INTS3: variants seen among roughly 807,000 people sequenced by gnomAD.
INTS3 encodes SOSS complex subunit A.
Under a neutral mutation model 146.3 loss-of-function variants are expected in INTS3, and 34 were observed. The observed-to-expected ratio is 0.23, with a 90% CI of 0.18 to 0.31. INTS3 has a LOEUF of 0.31. Among genes scored for constraint, INTS3 ranks in the 10% least tolerant of loss-of-function variants. The pLI, the probability that INTS3 is intolerant of heterozygous loss-of-function variation, is 1.00. For missense variants in INTS3, 757 were observed against 1,304.2 expected (o/e 0.58, Z 6.46); for synonymous variants, 475 against 494.9 (o/e 0.96, Z 0.53).
chr1:153,738,755 C>G (rs1222258287), intron 1 of INTS3, among the ~76,000 whole-genome samples: 6 of 152,182 alleles, frequency 3.9e-5, no homozygotes, highest in Admixed American at 1.3e-4. Flanking sequence ...TCAGTTATTA[C>G]TTTCACCATT....
chr1:153,749,444 C>T (rs535490106), intron 6 of INTS3, among the ~76,000 whole-genome samples: 1 of 152,296 alleles, frequency 6.6e-6, no homozygotes, highest in African/African-American at 2.4e-5. Flanking sequence ...CCATAGTAGT[C>T]AAATGATTGA....
chr1:153,765,789 C>T (rs537345545), intron 20 of INTS3, among the ~76,000 whole-genome samples: 10 of 152,206 alleles, frequency 6.6e-5, no homozygotes, highest in African/African-American at 1.9e-4. Flanking sequence ...AGGCTGGTCT[C>T]GAACTCCCGA....
Position 153,769,750 on chromosome 1 carries a change from C to G in INTS3, c.2314-19C>G. 6.3e-7 allele frequency: 1 copy of G among 1,595,476 alleles called. No homozygotes were observed. Among genetic ancestry groups the G allele is most frequent in the Non-Finnish European group, 8.6e-7 (1 of 1,163,064 alleles). On this transcript the variant is annotated intron_variant, in intron 22 of 29. Transcript: ENST00000318967. The stretch of plus-strand genomic sequence containing the variant: ...CTTTCAGAGCTGATGGGTTCTGCCT[C>G]CTTCCTCCACCTCCTTAGCTCCAGG...
chr1:153,749,585 A>C (rs1671878436), intron 6 of INTS3, among the ~76,000 whole-genome samples: 1 of 152,202 alleles, frequency 6.6e-6, no homozygotes, highest in Admixed American at 6.5e-5. Flanking sequence ...TCTGCTGTGC[A>C]GTGCCACCTA....
chr1:153,764,393 C>T (rs774829047), intron 18 of INTS3, among the ~76,000 whole-genome samples, 172 bp downstream of exon 18: 5 of 152,170 alleles, frequency 3.3e-5, no homozygotes, highest in African/African-American at 4.8e-5. Context: ...TGCTGAACAC[C>T]GTGCGTACTG....
Position 153,742,925 on chromosome 1 carries a change from C to A in INTS3, c.318+1557C>A, listed in dbSNP as rs566161472. Among the ~76,000 whole-genome samples, 96 of 152,288 alleles carry A rather than the reference C, an allele frequency of 6.3e-4. No homozygotes were observed. The South Asian group carries it at 0.019, about 31-fold the overall frequency. ...TTCATGTTCACATGCTAAAAGTTTC[C>A]AAGTAAATCCCCTACCTGTGAGCCT... On this transcript the variant is annotated intron_variant, in intron 3 of 29. Coordinates refer to ENST00000318967, the MANE Select transcript of INTS3 (RefSeq NM_023015.5).
rs1040287124 is a variant in INTS3 at position 153,769,908 on chromosome 1, T to A, written c.2389+64T>A. ...GAGGGCAGGGTGTCAGTCCTGTGTATTTTACACTATCAGGAAAGCTGGTTC... is the reference window on the plus strand; with the variant it reads ...GAGGGCAGGGTGTCAGTCCTGTGTAATTTACACTATCAGGAAAGCTGGTTC... On this transcript the variant is annotated intron_variant, in intron 23 of 29. Transcript: ENST00000318967. The A allele has an allele frequency of 1.6e-5, 19 of 1,161,302 alleles. No individual in the cohort carries two copies. The African/African-American group carries it at 2.7e-4, about 17-fold the overall frequency. The allele number at this position is 1,161,302 out of a possible 1,614,324, so 71.9% of individuals were successfully genotyped here. A position where few individuals can be genotyped will look rare whatever the true frequency, so the allele number is the denominator to read the frequency against.
intron 2 of INTS3, 21 bp from the exon 3 acceptor site, chr1:153,741,259 GTTTGT>G (rs1258811302): frequency 6.3e-7 from 1 of 1,579,646 alleles, no homozygotes; most frequent in South Asian, 1.1e-5. Flanking sequence ...GTGACAACTA[GTTTGT>G]TTTCCTTTCT....
At chr1:153,737,471 A>G (rs569886373) in intron 1 of INTS3, among the ~76,000 whole-genome samples, 1 of 152,262 alleles carries the variant, frequency 6.6e-6, no homozygotes, top group East Asian at 1.9e-4. Context: ...GCTTTAATGC[A>G]GCTATTTTCA....
rs201921403 is a variant in INTS3, at chr1:153,752,379, A to G, written c.830A>G (p.Asn277Ser). 6.2e-7 allele frequency: 1 copy of G among 1,613,004 alleles called. No homozygotes were observed. Among genetic ancestry groups the G allele is most frequent in the Non-Finnish European group, 8.5e-7 (1 of 1,179,600 alleles). Residue 277 changes from asparagine (N) to serine (S), a missense_variant, in exon 8 of 30, where the codon AAT becomes AGT. Coordinates refer to ENST00000318967, the MANE Select transcript of INTS3 (RefSeq NM_023015.5). ...CTGCTTTGGAAAGATATTATCCATA[A>G]TCCTCAGGCCTTGAGTCCTCAGTTC... The part of the protein sequence containing the change: ...FELLWKDIIH[N>S]PQALSPQFTG...
intron 1 of INTS3, among the ~76,000 whole-genome samples, chr1:153,740,091 G>A (rs1419868524): frequency 1.4e-5 from 2 of 145,640 alleles, no homozygotes; most frequent in East Asian, 4.1e-4. Context: ...GAGCCACCGT[G>A]CCCGCCCTAT....
intron 11 of INTS3, 54 bp downstream of exon 11, chr1:153,759,667 G>T: frequency 8.9e-7 from 1 of 1,123,300 alleles, no homozygotes. Flanking sequence ...AGCCCCCACT[G>T]CCTTCCTTAG....
chr1:153,760,468 C>A, intron 12 of INTS3, 78 bp downstream of exon 12: 2 of 1,201,480 alleles, frequency 1.7e-6, no homozygotes, highest in Non-Finnish European at 2.5e-6. Context: ...TCCCAGTGAA[C>A]GGGTCTTCTC....
chr1:153,746,545 T>C (rs943141214), intron 3 of INTS3, among the ~76,000 whole-genome samples: 18 of 152,272 alleles, frequency 1.2e-4, no homozygotes, highest in South Asian at 1.0e-3. Context: ...GGACTACAGG[T>C]GCCCGCCACC....
In INTS3 at chr1:153,761,972, A is replaced by G. The variant is rs1477082983; in HGVS notation, c.1516+296A>G. Among the ~76,000 whole-genome samples, 4 of 152,234 alleles carry G rather than the reference A, an allele frequency of 2.6e-5. No individual in the cohort carries two copies. The East Asian group carries it at 7.7e-4, about 29-fold the overall frequency. ...CTTTCATGTAATATTTACAATATTT[A>G]TCTCACTTTAACTTGCCCATCTCTC... On this transcript the variant is annotated intron_variant, in intron 14 of 29. Transcript: ENST00000318967.
intron 20 of INTS3, chr1:153,766,885 C>T (rs1672610258): frequency 6.6e-6 from 1 of 150,538 alleles, no homozygotes; most frequent in Non-Finnish European, 1.5e-5. Flanking sequence ...TTAGTAGAGA[C>T]AGGGTTTCAC....
At chr1:153,736,976 C>T (rs1347320041) in intron 1 of INTS3, among the ~76,000 whole-genome samples, 2 of 151,562 alleles carry the variant, frequency 1.3e-5, no homozygotes, top group Non-Finnish European at 2.9e-5. Context: ...ACCTTGTTAG[C>T]CAGGATGGTC....
rs1233407919 is a variant in INTS3, at chr1:153,728,738, G to T, written c.104G>T (p.Arg35Met). 1 of 1,610,002 alleles carries T rather than the reference G, an allele frequency of 6.2e-7. No individual in the cohort carries two copies. The highest frequency in any genetic ancestry group is 1.7e-5 in the Admixed American group (1 of 59,826). Residue 35 changes from arginine to methionine, a missense_variant, in exon 1 of 30, where the codon AGG becomes ATG. Physicochemically the swap from Arg to Met is moderately conservative, Grantham distance 91 (BLOSUM62 -1). Coordinates refer to ENST00000318967, the MANE Select transcript of INTS3 (RefSeq NM_023015.5). The part of the protein sequence containing the change: ...GAGAGAPGGG[R>M]LLLSTSLDAK... The stretch of plus-strand genomic sequence containing the variant: ...GGAGCAGGAGCCCCAGGAGGGGGGA[G>T]GCTGCTACTTTCAACCAGTTTGGAT...
At chr1:153,752,205 G>A in intron 7 of INTS3, 74 bp from the exon 8 acceptor site, 2 of 1,425,544 alleles carry the variant, frequency 1.4e-6, no homozygotes, top group Admixed American at 3.4e-5. Context: ...TTGTTCCTTT[G>A]TCCTCCCTCC....
Sources: gnomAD v4.1 joint callset for allele counts (sites outside exome capture counted in the v4.1 genomes callset) on GRCh38, gnomAD v4.1.1 for gene constraint, MANE v1.5 for transcripts, NCBI Gene and HGNC (gene_info 2026-07-23, HGNC 2026-07-21) for gene names.